The following MEGF11 variants were observed in gnomAD, a reference collection of about 807,000 sequenced individuals.
MEGF11 encodes the protein multiple EGF like domains 11.
MEGF11 carries 126 observed loss-of-function variants against 146.6 expected under a neutral mutation model. The observed-to-expected ratio is 0.86, with a 90% CI of 0.74 to 1.00. The LOEUF is 1.00. MEGF11 is among the 50% of genes least tolerant of loss of function. MEGF11 has a pLI of 0.00. For synonymous variants in MEGF11, 532 were observed against 583.4 expected, an observed-to-expected ratio of 0.91 and a Z score of 1.27; for missense variants, 1,509 against 1,521.2, an observed-to-expected ratio of 0.99 and a Z score of 0.13.
At chr15:66,216,211 C>G (rs1401002695) in intron 1 of MEGF11, among the ~76,000 whole-genome samples, 1 of 152,218 alleles carries the variant, frequency 6.6e-6, no homozygotes, top group Non-Finnish European at 1.5e-5. Context: ...TCAATGGCAG[C>G]TGTTGGCCTG....
intron 1 of MEGF11, among the ~76,000 whole-genome samples, chr15:66,139,643 A>T (rs923963957): frequency 6.6e-6 from 1 of 152,148 alleles, no homozygotes; most frequent in African/African-American, 2.4e-5. Flanking sequence ...AGAAAATTAC[A>T]AAAGGTGGCC....
intron 1 of MEGF11, among the ~76,000 whole-genome samples, chr15:66,136,331 C>G (rs2088886912): frequency 1.3e-5 from 2 of 152,198 alleles, no homozygotes; most frequent in Admixed American, 6.5e-5. Context: ...AGATGGGCCT[C>G]TTTTGTGTGC....
intron 1 of MEGF11, among the ~76,000 whole-genome samples, chr15:66,132,400 G>A (rs2140976697): frequency 6.6e-6 from 1 of 152,350 alleles, no homozygotes; most frequent in East Asian, 1.9e-4. Flanking sequence ...TCCACCACTG[G>A]CTTCATCCTC....
intron 10 of MEGF11, among the ~76,000 whole-genome samples, chr15:65,942,190 G>C (rs75827793): frequency 0.062 from 9,400 of 152,194 alleles, 423 homozygotes; most frequent in Non-Finnish European, 0.093. Context: ...TGCCTTGACT[G>C]CACACAGGTT....
At chr15:66,177,698 T>C (rs563163202) in intron 1 of MEGF11, among the ~76,000 whole-genome samples, 1,717 of 150,642 alleles carry the variant, frequency 0.011, 15 homozygotes, top group Non-Finnish European at 0.016. Context: ...TTTTTTTTTT[T>C]CTTTGAGACA....
At chr15:65,980,699 G>A (rs1204537798) in intron 7 of MEGF11, 79 bp downstream of exon 7, 1 of 1,462,634 alleles carries the variant, frequency 6.8e-7, no homozygotes, top group Non-Finnish European at 9.0e-7. Context: ...TGCCCGGCTA[G>A]TTTAGCCTTT....
In MEGF11 at chr15:66,119,119, G is replaced by A; in HGVS notation, c.268C>T (p.Pro90Ser). ...TMYRRRSQCC[P>S]GYYESGDFCI... Reference sequence around the variant, plus strand: ...AAGTCTCCGCTCTCATAGTAGCCAGGGCAGCACTGGGACCTCCGCCGGTAC... The same window carrying A: ...AAGTCTCCGCTCTCATAGTAGCCAGAGCAGCACTGGGACCTCCGCCGGTAC... The change falls in exon 4 of 26, where the codon CCT becomes TCT. Residue 90 changes from proline to serine, a missense_variant. Physicochemically the swap from Pro to Ser is moderately conservative, Grantham distance 74. Coordinates refer to ENST00000395614, the MANE Select transcript of MEGF11 (RefSeq NM_001385028.1). The A allele has an allele frequency of 3.2e-6, 5 of 1,551,482 alleles. No homozygotes were observed. The highest frequency in any genetic ancestry group is 4.4e-6 in the Non-Finnish European group (5 of 1,146,980).
intron 10 of MEGF11, among the ~76,000 whole-genome samples, chr15:65,938,832 C>T (rs766885325): frequency 3.9e-5 from 6 of 152,178 alleles, no homozygotes; most frequent in Admixed American, 1.3e-4. Context: ...GCCCAGACCC[C>T]GGTGGGTAAT....
At chr15:65,906,949 C>G (rs928467886) in intron 23 of MEGF11, among the ~76,000 whole-genome samples, 1 of 152,174 alleles carries the variant, frequency 6.6e-6, no homozygotes, top group Non-Finnish European at 1.5e-5. Flanking sequence ...AGGGACTAAG[C>G]TTGGGTTCTT....
At chr15:66,119,964 A>C (rs1008716426) in intron 3 of MEGF11, among the ~76,000 whole-genome samples, 1 of 152,088 alleles carries the variant, frequency 6.6e-6, no homozygotes, top group South Asian at 2.1e-4. Flanking sequence ...CCTTTATTTT[A>C]TTTCTTTCTC....
At chr15:66,095,309 C>T (rs2086495256) in intron 4 of MEGF11, among the ~76,000 whole-genome samples, 2 of 152,216 alleles carry the variant, frequency 1.3e-5, no homozygotes, top group Non-Finnish European at 2.9e-5. Context: ...GAAAGATCTG[C>T]CCCACCATCT....
intron 1 of MEGF11, among the ~76,000 whole-genome samples, chr15:66,212,903 A>G (rs2091498590): frequency 6.6e-6 from 1 of 152,252 alleles, no homozygotes; most frequent in Admixed American, 6.5e-5. Context: ...AAACAGCTGC[A>G]GGTTCCAGAC....
intron 4 of MEGF11, among the ~76,000 whole-genome samples, chr15:66,101,111 A>G (rs2086788720): frequency 6.6e-6 from 1 of 152,076 alleles, no homozygotes; most frequent in South Asian, 2.1e-4. Flanking sequence ...CTGAAATCAT[A>G]GCCAGTTCAG....
chr15:66,149,933 C>G (rs2089502273), intron 1 of MEGF11, among the ~76,000 whole-genome samples: 1 of 152,250 alleles, frequency 6.6e-6, no homozygotes, highest in Non-Finnish European at 1.5e-5. Flanking sequence ...AGCAAGTGGC[C>G]TTGGGCCTAG....
At chr15:66,168,989 AAAAAT>A (rs956408355) in intron 1 of MEGF11, among the ~76,000 whole-genome samples, 7 of 152,278 alleles carry the variant, frequency 4.6e-5, no homozygotes, top group East Asian at 1.9e-4. Flanking sequence ...CTCCAACTCA[AAAAAT>A]AAAATAAAAT....
chr15:66,233,038 G>T (rs2092001189), intron 1 of MEGF11, among the ~76,000 whole-genome samples: 1 of 152,144 alleles, frequency 6.6e-6, no homozygotes, highest in Admixed American at 6.5e-5. Context: ...CAAAAGGCAG[G>T]TGTGACCCTA....
intron 9 of MEGF11, among the ~76,000 whole-genome samples, chr15:65,964,165 G>A (rs574219682): frequency 3.3e-5 from 5 of 152,320 alleles, no homozygotes; most frequent in Admixed American, 1.3e-4. Context: ...TGCGTGAAGC[G>A]GGCAGGGAGG....
intron 23 of MEGF11, among the ~76,000 whole-genome samples, chr15:65,908,027 G>A (rs1167619332): frequency 6.6e-6 from 1 of 152,228 alleles, no homozygotes; most frequent in Non-Finnish European, 1.5e-5. Flanking sequence ...GTGGGGCTGT[G>A]TGTGTGTGTA....
intron 4 of MEGF11, among the ~76,000 whole-genome samples, chr15:66,112,181 A>AT (rs1332079812): frequency 3.9e-5 from 6 of 152,166 alleles, no homozygotes; most frequent in Non-Finnish European, 8.8e-5. Flanking sequence ...ACTTGAGCTA[A>AT]TAGAACTAAT....
Sources: allele counts gnomAD v4.1 joint callset (sites outside exome capture counted in the v4.1 genomes callset), GRCh38; gene constraint gnomAD v4.1.1; transcripts MANE v1.5; gene names NCBI Gene and HGNC (gene_info 2026-07-23, HGNC 2026-07-21).